SLIT3: variants seen among roughly 807,000 people sequenced by gnomAD.
The protein encoded by SLIT3 is slit homolog 3 protein.
SLIT3 carries 68 observed loss-of-function variants against 184.0 expected under a neutral mutation model. That is an observed-to-expected ratio of 0.37 (90% CI 0.30 to 0.45). SLIT3 has a LOEUF of 0.45. Among genes scored for constraint, SLIT3 ranks in the 20% least tolerant of loss-of-function variants. The probability of loss-of-function intolerance (pLI) is 1.00; values close to 1 mark genes in which losing one functional copy is unlikely to be tolerated. For synonymous variants in SLIT3, 831 were observed against 828.6 expected, an observed-to-expected ratio of 1.00 and a Z score of -0.05; for missense variants, 1,707 against 2,026.0, an observed-to-expected ratio of 0.84 and a Z score of 3.02.
chr5:168,778,218 A>G (rs1013062997), intron 12 of SLIT3, among the ~76,000 whole-genome samples: 2 of 152,154 alleles, frequency 1.3e-5, no homozygotes, highest in Non-Finnish European at 2.9e-5. Context: ...GCACTATCTT[A>G]TGTAACCCCC....
chr5:168,705,479 CCAT>C (rs1478060860), intron 26 of SLIT3, among the ~76,000 whole-genome samples: 2 of 152,106 alleles, frequency 1.3e-5, no homozygotes, highest in Middle Eastern at 3.2e-3. Context: ...AGCACCATTA[CCAT>C]CATCAACACC....
chr5:168,867,340 C>A (rs1759341848), intron 5 of SLIT3, among the ~76,000 whole-genome samples: 1 of 152,194 alleles, frequency 6.6e-6, no homozygotes, highest in African/African-American at 2.4e-5. Context: ...AAAGAACAGG[C>A]AATCAATGAC....
At chr5:169,110,309 A>G (rs1760366261) in intron 4 of SLIT3, among the ~76,000 whole-genome samples, 1 of 152,196 alleles carries the variant, frequency 6.6e-6, no homozygotes, top group Non-Finnish European at 1.5e-5. Flanking sequence ...ACCTGACCTA[A>G]GCCAACTGTA....
At chr5:169,029,010 C>T (rs78252658) in intron 4 of SLIT3, among the ~76,000 whole-genome samples, 2,116 of 152,266 alleles carry the variant, frequency 0.014, 96 homozygotes, top group East Asian at 0.09. Flanking sequence ...GTGAAAACAC[C>T]ACTTGACATG....
At chr5:169,229,224 T>C (rs1355253382) in intron 3 of SLIT3, among the ~76,000 whole-genome samples, 4 of 151,824 alleles carry the variant, frequency 2.6e-5, no homozygotes, top group Non-Finnish European at 5.9e-5. Context: ...ATTTTTTTTT[T>C]CCAAATTCTA....
chr5:168,943,699 ACT>A (rs1440990690), intron 4 of SLIT3, among the ~76,000 whole-genome samples: 2 of 152,094 alleles, frequency 1.3e-5, no homozygotes, highest in South Asian at 2.1e-4. Flanking sequence ...GTGAACACAC[ACT>A]CTCTCTATAT....
At chr5:169,162,167 G>A (rs1021109791) in intron 4 of SLIT3, among the ~76,000 whole-genome samples, 6 of 152,128 alleles carry the variant, frequency 3.9e-5, no homozygotes, top group African/African-American at 7.2e-5. Flanking sequence ...GATGGGATTC[G>A]AATTTGGGTT....
intron 23 of SLIT3, among the ~76,000 whole-genome samples, chr5:168,714,812 C>A (rs896608172): frequency 2.6e-5 from 4 of 152,144 alleles, no homozygotes; most frequent in Admixed American, 6.5e-5. Flanking sequence ...GGCTGGCAAG[C>A]AACTGTCAAC....
At chr5:169,185,622 T>C (rs1362570383) in intron 4 of SLIT3, among the ~76,000 whole-genome samples, 1 of 152,312 alleles carries the variant, frequency 6.6e-6, no homozygotes, top group East Asian at 1.9e-4. Flanking sequence ...GGACACATTT[T>C]GCTTGTAGTT....
intron 9 of SLIT3, among the ~76,000 whole-genome samples, chr5:168,804,232 C>T (rs1461694729): frequency 7.3e-6 from 1 of 136,656 alleles, no homozygotes; most frequent in Non-Finnish European, 1.5e-5. Context: ...ATCGCTTGAA[C>T]CCAGGAGGCA....
intron 4 of SLIT3, among the ~76,000 whole-genome samples, chr5:168,962,325 CACACACACACAT>C (rs1319746120): frequency 6.6e-6 from 1 of 151,512 alleles, no homozygotes; most frequent in African/African-American, 2.4e-5. Flanking sequence ...CACACACACA[CACACACACACAT>C]ACACACACAC....
intron 4 of SLIT3, among the ~76,000 whole-genome samples, chr5:169,073,826 C>T (rs1362380934): frequency 2.0e-5 from 3 of 152,192 alleles, no homozygotes; most frequent in South Asian, 4.2e-4. Context: ...GCTTGCACCA[C>T]ACTTCCTGTA....
At chr5:169,274,168 T>C (rs894937810) in intron 1 of SLIT3, among the ~76,000 whole-genome samples, 5 of 152,194 alleles carry the variant, frequency 3.3e-5, no homozygotes, top group African/African-American at 1.2e-4. Flanking sequence ...GGCCTATCAA[T>C]TTGTGTTTTA....
intron 7 of SLIT3, among the ~76,000 whole-genome samples, chr5:168,822,607 C>T (rs887855569): frequency 6.6e-6 from 1 of 152,148 alleles, no homozygotes; most frequent in Non-Finnish European, 1.5e-5. Flanking sequence ...AATAAGAGCA[C>T]TAGAACTGCT....
intron 4 of SLIT3, among the ~76,000 whole-genome samples, chr5:169,065,291 G>A (rs763525249): frequency 2.0e-4 from 31 of 152,140 alleles, no homozygotes; most frequent in East Asian, 5.8e-4. Context: ...GGCAGCTACC[G>A]TCTAGTGTAT....
intron 4 of SLIT3, among the ~76,000 whole-genome samples, chr5:169,115,436 C>T (rs578019305): frequency 1.3e-5 from 2 of 152,270 alleles, no homozygotes; most frequent in East Asian, 3.9e-4. Context: ...AGGCATTTTC[C>T]AGCCATTGTC....
At chr5:169,008,526 C>T (rs144871776) in intron 4 of SLIT3, among the ~76,000 whole-genome samples, 254 of 152,316 alleles carry the variant, frequency 1.7e-3, no homozygotes, top group African/African-American at 5.7e-3. Flanking sequence ...CCTGCAGTCC[C>T]GGCTAGCTCC....
At chr5:169,011,207 C>T (rs1039864571) in intron 4 of SLIT3, among the ~76,000 whole-genome samples, 2 of 152,178 alleles carry the variant, frequency 1.3e-5, no homozygotes, top group African/African-American at 2.4e-5. Flanking sequence ...AATGACATCA[C>T]CGAGTTCTGT....
rs1755958268 is a variant in SLIT3, at chr5:168,781,154, CT to C, written c.1151+4752del. On this transcript the variant is annotated intron_variant, in intron 12 of 35. Transcript: ENST00000519560. ...GCGGCCTGTCTGAAAAACAAGACCT[CT>C]TTCTACCCCAGAGACATAGGAGGGT... is the stretch of plus-strand genomic sequence containing the variant. Among the ~76,000 whole-genome samples, 5 of 152,344 alleles carry C rather than the reference CT, an allele frequency of 3.3e-5. No individual in the cohort carries two copies. In the South Asian group the frequency reaches 1.0e-3, roughly 32 times the overall value.
Sources: allele counts gnomAD v4.1 joint callset (sites outside exome capture counted in the v4.1 genomes callset), GRCh38; gene constraint gnomAD v4.1.1; transcripts MANE v1.5; gene names NCBI Gene and HGNC (gene_info 2026-07-23, HGNC 2026-07-21).